Variants in CDH23 observed in about 807,000 individuals in gnomAD.
The protein encoded by CDH23 is cadherin related 23.
CDH23 carries 189 observed loss-of-function variants against 317.1 expected under a neutral mutation model. The observed-to-expected ratio is 0.60, with a 90% CI of 0.53 to 0.67. The LOEUF is 0.67. CDH23 is among the 30% of genes least tolerant of loss of function. The pLI is 0.00. For missense variants in CDH23, 4,401 were observed against 4,592.4 expected (o/e 0.96, Z 1.20); for synonymous variants, 1,839 against 1,876.8 (o/e 0.98, Z 0.52).
chr10:71,707,962 C>T (rs1865850780), intron 26 of CDH23, among the ~76,000 whole-genome samples: 2 of 152,134 alleles, frequency 1.3e-5, no homozygotes, highest in African/African-American at 4.8e-5. Context: ...TCCCTTTCTT[C>T]CCTCACCTCC....
rs370014467 is a variant in CDH23, at chr10:71,645,888, A to C, written c.1198A>C (p.Ile400Leu). 6.2e-7 allele frequency: 1 copy of C among 1,613,416 alleles called. No individual in the cohort carries two copies. The highest frequency in any genetic ancestry group is 8.5e-7 in the Non-Finnish European group (1 of 1,179,580). ...GGGGAACAACTCCCACCACTTCATCATCTCCCCGACCTCCGTCCAGGGGAA... is the reference window on the plus strand; with the variant it reads ...GGGGAACAACTCCCACCACTTCATCCTCTCCCCGACCTCCGTCCAGGGGAA... ...LVGNNSHHFIISPTSVQGKAD... is the reference protein window; with the variant it reads ...LVGNNSHHFILSPTSVQGKAD... Residue 400 changes from isoleucine (I) to leucine (L), a missense_variant, in exon 13 of 70, where the codon ATC (isoleucine) becomes CTC (leucine). Ile to Leu is a conservative substitution (Grantham distance 5). Around this residue, in one of 3 missense-constraint regions of CDH23, gnomAD observed 3,068 missense variants for 3,203.3 expected, o/e 0.96. Coordinates refer to ENST00000224721, the MANE Select transcript of CDH23 (RefSeq NM_022124.6).
intron 19 of CDH23, among the ~76,000 whole-genome samples, chr10:71,689,128 G>GTGGTGGAGCCAGGGA (rs1865075259): frequency 2.9e-5 from 2 of 68,012 alleles, no homozygotes; most frequent in Non-Finnish European, 6.5e-5. Flanking sequence ...GGAGCCAGGG[G>GTGGTGGAGCCAGGGA]TGGTGGAGCC....
intron 38 of CDH23, chr10:71,750,459 C>A (rs902188837): frequency 6.6e-6 from 1 of 152,344 alleles, no homozygotes; most frequent in African/African-American, 2.4e-5. Context: ...GGGGCAGGTG[C>A]CCCTCTCCAC....
At chr10:71,491,305 C>A (rs1852645246) in intron 3 of CDH23, among the ~76,000 whole-genome samples, 1 of 152,150 alleles carries the variant, frequency 6.6e-6, no homozygotes, top group Admixed American at 6.5e-5. Flanking sequence ...GTGCTGCTGT[C>A]AGTCCAGTGT....
At chr10:71,428,648 G>A (rs1047689990) in intron 1 of CDH23, among the ~76,000 whole-genome samples, 3 of 151,566 alleles carry the variant, frequency 2.0e-5, no homozygotes, top group Non-Finnish European at 4.4e-5. Flanking sequence ...GAGTGCAGTG[G>A]CGCGATCTCA....
intron 6 of CDH23, among the ~76,000 whole-genome samples, chr10:71,524,406 A>G (rs895345158): frequency 6.6e-6 from 1 of 152,208 alleles, no homozygotes; most frequent in Admixed American, 6.5e-5. Context: ...AAGGTAGCTC[A>G]GAAGTGCGGT....
At chr10:71,424,556 C>T (rs188858902) in intron 1 of CDH23, among the ~76,000 whole-genome samples, 82 of 152,336 alleles carry the variant, frequency 5.4e-4, no homozygotes, top group Non-Finnish European at 7.3e-5. Context: ...GGATCCCCTT[C>T]CCCCAGCTGA....
rs575670464 is a variant in CDH23 at position 71,535,086 on chromosome 10, C to T, written c.429+23874C>T. Reference sequence around the variant, plus strand: ...CATGGCTGACTGCCTGCTCCATGCCCAGTCTTTTCCATCCAGACTGCTCAT... The same window carrying T: ...CATGGCTGACTGCCTGCTCCATGCCTAGTCTTTTCCATCCAGACTGCTCAT... On this transcript the variant is annotated intron_variant, in intron 6 of 69. Coordinates refer to ENST00000224721, the MANE Select transcript of CDH23 (RefSeq NM_022124.6). 2.6e-5 allele frequency among the ~76,000 whole-genome samples: 4 copies of T among 152,338 alleles called. No individual in the cohort carries two copies. The South Asian group carries it at 8.3e-4, about 32-fold the overall frequency.
chr10:71,752,186 G>A (rs1373274127), intron 38 of CDH23: 1 of 464,426 alleles, frequency 2.2e-6, no homozygotes, highest in Non-Finnish European at 4.1e-6. Context: ...GGAATTTGGG[G>A]ACAAGTTTCT....
rs370762269 is a variant in CDH23, at chr10:71,777,726, C to G, written c.4892C>G (p.Ala1631Gly). 8.7e-6 allele frequency: 14 copies of G among 1,613,422 alleles called. No homozygotes were observed. In the East Asian group the frequency reaches 1.6e-4, roughly 18 times the overall value. Residue 1631 changes from alanine (A) to glycine (G), a missense_variant, in exon 39 of 70, where the codon GCG becomes GGG. Physicochemically the swap from Ala to Gly is moderately conservative, Grantham distance 60. This residue lies in a region of CDH23 where 3,068 missense variants were observed against 3,203.3 expected (regional missense o/e 0.96). Coordinates refer to ENST00000224721, the MANE Select transcript of CDH23 (RefSeq NM_022124.6). ...ACCATTGTGGATGAGAATGATAACG[C>G]GCCCATGTTCCAGCAGCCCCACTAT... ...YVTIVDENDN[A>G]PMFQQPHYEV...
intron 6 of CDH23, among the ~76,000 whole-genome samples, chr10:71,553,304 C>T (rs1856700208): frequency 6.6e-6 from 1 of 152,184 alleles, no homozygotes; most frequent in Non-Finnish European, 1.5e-5. Context: ...CCCGCAATCT[C>T]CTCAAACCCC....
intron 38 of CDH23, among the ~76,000 whole-genome samples, chr10:71,756,838 T>C (rs529922337): frequency 3.3e-5 from 5 of 152,364 alleles, no homozygotes; most frequent in Non-Finnish European, 7.3e-5. Context: ...TTTCCGCTAT[T>C]TGTTTGGGAA....
At chr10:71,660,778 T>C (rs1281290300) in intron 14 of CDH23, among the ~76,000 whole-genome samples, 1 of 152,216 alleles carries the variant, frequency 6.6e-6, no homozygotes, top group Non-Finnish European at 1.5e-5. Flanking sequence ...CACCTCTGTG[T>C]GCCTCCATTT....
At chr10:71,574,614 G>A (rs1858050565) in intron 8 of CDH23, among the ~76,000 whole-genome samples, 1 of 152,184 alleles carries the variant, frequency 6.6e-6, no homozygotes, top group South Asian at 2.1e-4. Context: ...AAATGGGGTA[G>A]GGGGTGTCCC....
At chr10:71,500,656 A>C (rs575925398) in intron 3 of CDH23, among the ~76,000 whole-genome samples, 2 of 152,280 alleles carry the variant, frequency 1.3e-5, no homozygotes, top group South Asian at 2.1e-4. Flanking sequence ...GATTTGGATA[A>C]AAGGCTTTGT....
At chr10:71,670,641 G>A (rs763978866) in intron 14 of CDH23, among the ~76,000 whole-genome samples, 30 of 152,182 alleles carry the variant, frequency 2.0e-4, no homozygotes, top group Non-Finnish European at 3.1e-4. Context: ...GTGTACCAGG[G>A]AAGAGGTAGA....
intron 9 of CDH23, among the ~76,000 whole-genome samples, chr10:71,600,944 A>G (rs1253285347): frequency 6.6e-6 from 1 of 152,224 alleles, no homozygotes; most frequent in African/African-American, 2.4e-5. Context: ...ATCTTTTCTC[A>G]TAAATATGAT....
intron 6 of CDH23, among the ~76,000 whole-genome samples, chr10:71,523,125 G>T (rs1262042139): frequency 6.6e-5 from 10 of 152,178 alleles, no homozygotes; most frequent in Admixed American, 4.6e-4. Flanking sequence ...AGCAGGGAGG[G>T]TGTTTGGTTA....
At chr10:71,567,631 C>T (rs561826269) in intron 7 of CDH23, among the ~76,000 whole-genome samples, 1 of 152,366 alleles carries the variant, frequency 6.6e-6, no homozygotes, top group Admixed American at 6.5e-5. Flanking sequence ...GACCACCATG[C>T]CCCATGGCTA....
Sources: gnomAD v4.1 joint callset for allele counts (sites outside exome capture counted in the v4.1 genomes callset) on GRCh38, gnomAD v4.1.1 for gene constraint, gnomAD v4.1.1 regional missense constraint, MANE v1.5 for transcripts, NCBI Gene and HGNC (gene_info 2026-07-23, HGNC 2026-07-21) for gene names.